The following PPP2R2B variants were observed in gnomAD, a reference collection of about 807,000 sequenced individuals.
The protein encoded by PPP2R2B is serine/threonine-protein phosphatase 2A 55 kDa regulatory subunit B beta isoform.
PPP2R2B carries 5 observed loss-of-function variants against 46.0 expected under a neutral mutation model. That is an observed-to-expected ratio of 0.11 (90% CI 0.06 to 0.23). The LOEUF (loss-of-function observed/expected upper bound fraction) is 0.23, where lower values mean the gene tolerates loss of function less well. Among genes scored for constraint, PPP2R2B ranks in the 10% least tolerant of loss-of-function variants. PPP2R2B has a pLI of 1.00. For synonymous variants in PPP2R2B, 215 were observed against 206.7 expected (o/e 1.04, Z -0.34); for missense variants, 367 against 575.0 (o/e 0.64, Z 3.70).
chr5:146,850,265 C>T (rs748961451), intron 2 of PPP2R2B, among the ~76,000 whole-genome samples: 1 of 152,140 alleles, frequency 6.6e-6, no homozygotes, highest in East Asian at 1.9e-4. Flanking sequence ...GAGTAAATCA[C>T]GTGTCTCTTT....
At chr5:146,865,908 T>C (rs1010671086) in intron 2 of PPP2R2B, among the ~76,000 whole-genome samples, 3 of 152,198 alleles carry the variant, frequency 2.0e-5, no homozygotes, top group Non-Finnish European at 4.4e-5. Context: ...TCTGGTGAGG[T>C]GAGCTTCCCT....
Position 146,971,651 on chromosome 5 carries a change from A to G in PPP2R2B, c.79+84014T>C, listed in dbSNP as rs1432564583. Reference sequence around the variant, plus strand: ...AAGTGATAATTCAGTTGTTATTTTGAAGATATTGCCAAATTGATCTTCTTA... The same window carrying G: ...AAGTGATAATTCAGTTGTTATTTTGGAGATATTGCCAAATTGATCTTCTTA... On this transcript the variant is annotated intron_variant, in intron 1 of 8. Coordinates refer to the PPP2R2B transcript ENST00000336640. Among the ~76,000 whole-genome samples, 10 of 152,170 alleles carry G rather than the reference A, an allele frequency of 6.6e-5. 1 individual carries two copies.
intron 2 of PPP2R2B, among the ~76,000 whole-genome samples, chr5:146,777,904 C>T (rs1025306221): frequency 3.9e-5 from 6 of 152,004 alleles, no homozygotes; most frequent in East Asian, 1.9e-4. Flanking sequence ...TGCACTGTTA[C>T]GAGGGAGTAA....
chr5:147,063,469 A>G lies in PPP2R2B; in HGVS notation c.50+17590T>C, dbSNP rs536286588. On this transcript the variant is annotated intron_variant, in intron 2 of 10. Transcript: ENST00000394413. ...ATTAGCTCTCATTTGGAAATAGTGG[A>G]CTTTAATATTTCTTGTCCAAGCTGG... 2.3e-4 allele frequency among the ~76,000 whole-genome samples: 35 copies of G among 152,300 alleles called. No individual in the cohort carries two copies. In the South Asian group the frequency reaches 6.8e-3, roughly 30 times the overall value.
At chr5:146,921,542 G>A (rs759266133) in intron 1 of PPP2R2B, among the ~76,000 whole-genome samples, 17 of 152,134 alleles carry the variant, frequency 1.1e-4, no homozygotes, top group Non-Finnish European at 1.8e-4. Context: ...TTAAGATTTC[G>A]TTTCTTAGAG....
chr5:146,891,290 C>T (rs1762484319), intron 1 of PPP2R2B, among the ~76,000 whole-genome samples: 1 of 152,174 alleles, frequency 6.6e-6, no homozygotes, highest in African/African-American at 2.4e-5. Flanking sequence ...ATAATAGGAT[C>T]CACTTGTAGA....
chr5:146,810,267 G>C (rs1342973880), intron 2 of PPP2R2B, among the ~76,000 whole-genome samples: 1 of 152,148 alleles, frequency 6.6e-6, no homozygotes, highest in Non-Finnish European at 1.5e-5. Flanking sequence ...GGCTGGGGAG[G>C]CCTCACAATC....
chr5:146,984,772 G>T (rs968767793), intron 1 of PPP2R2B, among the ~76,000 whole-genome samples: 1 of 151,868 alleles, frequency 6.6e-6, no homozygotes, highest in African/African-American at 2.4e-5. Context: ...AATTCTGACA[G>T]GTGTGAGAGG....
At position 146,704,343 on chromosome 5, in the gene PPP2R2B, T is replaced by C. The variant is rs146752679; in HGVS notation, c.71-3201A>G. Among the ~76,000 whole-genome samples, 353 of 152,274 alleles carry C rather than the reference T, an allele frequency of 2.3e-3. 2 individuals carry two copies. The highest frequency in any genetic ancestry group is 8.2e-3 in the African/African-American group (339 of 41,550). ...AGGATGTAGTAATAAGGTAGCAAGT[T>C]TAGAGATAATAACGTCATTTGAAAT... is the stretch of plus-strand genomic sequence containing the variant. On this transcript the variant is annotated intron_variant, in intron 2 of 9. Transcript: ENST00000394411.
chr5:146,726,565 T>A (rs1436113062), intron 2 of PPP2R2B, among the ~76,000 whole-genome samples: 1 of 152,216 alleles, frequency 6.6e-6, no homozygotes, highest in Non-Finnish European at 1.5e-5. Flanking sequence ...TTTATTCCTA[T>A]TATTTTCATT....
intron 1 of PPP2R2B, among the ~76,000 whole-genome samples, chr5:146,998,432 G>T (rs543036331): frequency 6.6e-6 from 1 of 152,322 alleles, no homozygotes; most frequent in East Asian, 1.9e-4. Context: ...GGAAGTGGGA[G>T]TGACTCAGTC....
At chr5:146,733,842 G>A (rs114505790) in intron 2 of PPP2R2B, among the ~76,000 whole-genome samples, 411 of 152,258 alleles carry the variant, frequency 2.7e-3, no homozygotes, top group African/African-American at 9.6e-3. Context: ...TACTGATTTT[G>A]TATTGAATTT....
At chr5:146,675,883 T>A (rs1777679363) in intron 5 of PPP2R2B, among the ~76,000 whole-genome samples, 1 of 151,980 alleles carries the variant, frequency 6.6e-6, no homozygotes, top group African/African-American at 2.4e-5. Flanking sequence ...TTATATGTCG[T>A]AAGCAGTTCT....
At chr5:146,635,138 T>C (rs1237608244) in intron 7 of PPP2R2B, among the ~76,000 whole-genome samples, 1 of 152,178 alleles carries the variant, frequency 6.6e-6, no homozygotes, top group African/African-American at 2.4e-5. Flanking sequence ...CCTATGATGC[T>C]GTCCTTAATA....
intron 1 of PPP2R2B, among the ~76,000 whole-genome samples, chr5:146,965,645 T>C (rs1255407999): frequency 6.6e-6 from 1 of 152,222 alleles, no homozygotes; most frequent in Non-Finnish European, 1.5e-5. Context: ...TTGCGTCAGC[T>C]TCCAGGTGAG....
chr5:146,689,916 G>A (rs972529943), intron 5 of PPP2R2B, among the ~76,000 whole-genome samples: 9 of 152,068 alleles, frequency 5.9e-5, no homozygotes, highest in African/African-American at 1.9e-4. Flanking sequence ...ATTAGGACAG[G>A]GTAAACACCT....
chr5:146,758,405 G>C (rs551251587), intron 2 of PPP2R2B, among the ~76,000 whole-genome samples: 1 of 151,980 alleles, frequency 6.6e-6, no homozygotes, highest in Non-Finnish European at 1.5e-5. Flanking sequence ...TACCTCAAAG[G>C]CTTGTTATGA....
intron 1 of PPP2R2B, among the ~76,000 whole-genome samples, chr5:146,990,178 T>G (rs1183914525): frequency 6.6e-6 from 1 of 151,720 alleles, no homozygotes; most frequent in Admixed American, 6.6e-5. Context: ...TCAAATTCAG[T>G]GCAATTTCTG....
At chr5:146,958,601 T>C (rs1752025592) in intron 1 of PPP2R2B, among the ~76,000 whole-genome samples, 1 of 152,310 alleles carries the variant, frequency 6.6e-6, no homozygotes, top group Non-Finnish European at 1.5e-5. Context: ...AATGTAGCCA[T>C]TATTAAACCT....
Sources: gnomAD v4.1 joint callset for allele counts (sites outside exome capture counted in the v4.1 genomes callset) on GRCh38, gnomAD v4.1.1 for gene constraint, MANE v1.5 for transcripts, NCBI Gene and HGNC (gene_info 2026-07-23, HGNC 2026-07-21) for gene names.